The following WDFY4 variants were observed in gnomAD, a reference collection of about 807,000 sequenced individuals.
WDFY4 encodes WD repeat- and FYVE domain-containing protein 4.
In WDFY4, 169 loss-of-function variants were observed where a neutral mutation model predicts 351.9. The observed-to-expected ratio is 0.48, with a 90% confidence interval of 0.42 to 0.55. WDFY4 has a LOEUF of 0.55. Among genes scored for constraint, WDFY4 ranks in the 20% least tolerant of loss-of-function variants. The pLI, the probability that WDFY4 is intolerant of heterozygous loss-of-function variation, is 0.00. For synonymous variants in WDFY4, 1,622 were observed against 1,574.6 expected (o/e 1.03, Z -0.71); for missense variants, 3,803 against 3,935.6 (o/e 0.97, Z 0.90).
chr10:48,823,065 T>C, intron 35 of WDFY4: 1 of 1,164,590 alleles, frequency 8.6e-7, no homozygotes, highest in Non-Finnish European at 1.1e-6. Context: ...CCTGTACAAA[T>C]GCATACCTGT....
intron 36 of WDFY4, among the ~76,000 whole-genome samples, chr10:48,827,506 T>C (rs975496657): frequency 4.8e-5 from 7 of 146,602 alleles, no homozygotes; most frequent in Non-Finnish European, 1.1e-4. Flanking sequence ...AGACAGGAAT[T>C]ATGTTCACTT....
chr10:48,976,569 A>G (rs1180830082), intron 58 of WDFY4: 2 of 347,992 alleles, frequency 5.7e-6, no homozygotes, highest in Non-Finnish European at 1.0e-5. Flanking sequence ...CTGCCAGGAA[A>G]GAAGTATCTA....
At chr10:48,908,451 A>C (rs1837740641) in intron 47 of WDFY4, among the ~76,000 whole-genome samples, 1 of 152,218 alleles carries the variant, frequency 6.6e-6, no homozygotes, top group Non-Finnish European at 1.5e-5. Context: ...GGGAAATTTT[A>C]GATTAGCCGG....
intron 13 of WDFY4, among the ~76,000 whole-genome samples, chr10:48,769,368 A>T (rs541048300): frequency 2.0e-4 from 30 of 152,336 alleles, no homozygotes; most frequent in African/African-American, 7.0e-4. Context: ...GCAGTGGTAA[A>T]AGCCATAACT....
intron 39 of WDFY4, among the ~76,000 whole-genome samples, chr10:48,845,401 G>T (rs961735728): frequency 2.6e-5 from 4 of 152,168 alleles, no homozygotes; most frequent in African/African-American, 9.7e-5. Context: ...ATGAAAAAGG[G>T]CACAGTCCCT....
rs1590019359 is a variant in WDFY4 at position 48,970,245 on chromosome 10, C to T, written c.8884C>T (p.Leu2962Phe). 2 of 1,551,558 alleles carry T rather than the reference C, an allele frequency of 1.3e-6. No individual in the cohort carries two copies. The highest frequency in any genetic ancestry group is 3.9e-5 in the Admixed American group (2 of 50,998). ...GTSTVVCVWE[L>F]SMTKGRPRGL... ...CAGCACTGTGGTGTGTGTGTGGGAG[C>T]TCAGCATGACCAAAGGCCGCCCGAG... The change falls in exon 57 of 62, where the codon CTC (leucine) becomes TTC (phenylalanine). Residue 2962 changes from leucine to phenylalanine, a missense_variant. Around this residue, in one of 3 missense-constraint regions of WDFY4, gnomAD observed 3,054 missense variants for 3,148.6 expected, o/e 0.97. Transcript: ENST00000325239.
At chr10:48,728,572 C>A (rs118073560) in intron 7 of WDFY4, among the ~76,000 whole-genome samples, 2 of 152,224 alleles carry the variant, frequency 1.3e-5, no homozygotes, top group African/African-American at 2.4e-5. Context: ...AGCCTACATG[C>A]GGTGACTTGG....
chr10:48,757,209 A>G (rs2065363158), intron 12 of WDFY4, among the ~76,000 whole-genome samples: 1 of 152,068 alleles, frequency 6.6e-6, no homozygotes, highest in African/African-American at 2.4e-5. Flanking sequence ...CTTTGAAGGA[A>G]CAATTACTGA....
intron 39 of WDFY4, among the ~76,000 whole-genome samples, chr10:48,863,353 T>A (rs987903064): frequency 2.6e-5 from 4 of 152,328 alleles, no homozygotes; most frequent in African/African-American, 9.6e-5. Flanking sequence ...TCAATAAAAC[T>A]TGTTATTATC....
At chr10:48,915,155 G>A (rs959101696) in intron 47 of WDFY4, among the ~76,000 whole-genome samples, 1 of 152,120 alleles carries the variant, frequency 6.6e-6, no homozygotes, top group Non-Finnish European at 1.5e-5. Flanking sequence ...AGCTATGAGG[G>A]GGCGTAAATT....
rs143120099 is a variant in WDFY4, at chr10:48,727,904, C to T, written c.971+245C>T. On this transcript the variant is annotated intron_variant, in intron 7 of 61. Coordinates refer to ENST00000325239, the MANE Select transcript of WDFY4 (RefSeq NM_001394531.1). Reference sequence around the variant, plus strand: ...GCATGCCTGCTGGCCTGATTTTCCCCGGTCAGAACCCAAACAGAAGCCCTG... The same window carrying T: ...GCATGCCTGCTGGCCTGATTTTCCCTGGTCAGAACCCAAACAGAAGCCCTG... Among the ~76,000 whole-genome samples, 242 of 152,308 alleles carry T rather than the reference C, an allele frequency of 1.6e-3. 2 individuals carry two copies. The East Asian group carries it at 0.03, about 19-fold the overall frequency.
Position 48,803,350 on chromosome 10 carries a change from A to T in WDFY4, c.4475A>T (p.Gln1492Leu). ...SLFSHLLEIL[Q>L]SPREGPRNAE... Reference sequence around the variant, plus strand: ...TTTTCCCATCTTTTGGAAATCCTTCAATCACCAAGGTAGGCTGGGTCTTGG... The same window carrying T: ...TTTTCCCATCTTTTGGAAATCCTTCTATCACCAAGGTAGGCTGGGTCTTGG... The change falls in exon 25 of 62, where the codon CAA becomes CTA. Residue 1492 changes from glutamine (Q) to leucine (L), a missense_variant. Coordinates refer to ENST00000325239, the MANE Select transcript of WDFY4 (RefSeq NM_001394531.1). The T allele has an allele frequency of 6.4e-7, 1 of 1,551,958 alleles. No homozygotes were observed. The highest frequency in any genetic ancestry group is 8.7e-7 in the Non-Finnish European group (1 of 1,147,056).
At chr10:48,760,581 T>A in intron 13 of WDFY4, 141 bp downstream of exon 13, 2 of 801,066 alleles carry the variant, frequency 2.5e-6, no homozygotes, top group Non-Finnish European at 4.0e-6. Flanking sequence ...GAAACACCTA[T>A]AGTGGGAAAG....
intron 9 of WDFY4, among the ~76,000 whole-genome samples, chr10:48,731,830 G>A (rs2064470056): frequency 1.3e-5 from 2 of 152,186 alleles, no homozygotes; most frequent in African/African-American, 4.8e-5. Flanking sequence ...ACATTGTGTG[G>A]GTGTATAGAC....
In WDFY4 at chr10:48,890,695, T is replaced by A. The variant is rs41283285; in HGVS notation, c.7284T>A (p.Gly2428=). 0.038 allele frequency: 58,392 copies of A among 1,551,650 alleles called. 1,234 individuals are homozygous for A. The highest frequency in any genetic ancestry group is 0.041 in the Non-Finnish European group (46,511 of 1,146,968). The part of the protein sequence containing the change: ...ICENFTLSPT[G]DVYCTRHCLS... ...AGAACTTCACACTGTCTCCCACGGG[T>A]GATGTCTACTGTACCCGTCACTGCT... The change falls in exon 44 of 62, where the codon GGT becomes GGA. Residue 2428 remains glycine (G), a synonymous_variant. Transcript: ENST00000325239.
At chr10:48,717,820 AT>A (rs2063957230) in intron 2 of WDFY4, among the ~76,000 whole-genome samples, 1 of 152,176 alleles carries the variant, frequency 6.6e-6, no homozygotes. Flanking sequence ...ATATTCAGTA[AT>A]TTTTCCCTCA....
At chr10:48,811,815 G>C in intron 30 of WDFY4, 107 bp downstream of exon 30, 1 of 1,201,420 alleles carries the variant, frequency 8.3e-7, no homozygotes, top group Non-Finnish European at 1.2e-6. Context: ...GCTTCTTCCA[G>C]CTCAGATGGG....
chr10:48,790,430 C>T (rs1400816680), intron 22 of WDFY4, among the ~76,000 whole-genome samples: 3 of 152,202 alleles, frequency 2.0e-5, no homozygotes, highest in African/African-American at 7.2e-5. Flanking sequence ...GATACTGAGG[C>T]TCAGGGGTCT....
chr10:48,879,129 AAAACAGCT>A lies in WDFY4; in HGVS notation c.7167+1933_7167+1940del, dbSNP rs1162329582. The stretch of plus-strand genomic sequence containing the variant: ...TTTAGTAAATACCTTGTCCATTGAA[AAAACAGCT>A]AAGACGTCAATGCTTTCTTTCCTTA... On this transcript the variant is annotated intron_variant, in intron 43 of 61. Transcript: ENST00000325239. Among the ~76,000 whole-genome samples, 12 of 152,374 alleles carry A rather than the reference AAAACAGCT, an allele frequency of 7.9e-5. No individual in the cohort carries two copies. The East Asian group carries it at 2.1e-3, about 27-fold the overall frequency.
Sources: allele counts gnomAD v4.1 joint callset (sites outside exome capture counted in the v4.1 genomes callset), GRCh38; gene constraint gnomAD v4.1.1; regional missense constraint gnomAD v4.1.1; transcripts MANE v1.5; gene names NCBI Gene and HGNC (gene_info 2026-07-23, HGNC 2026-07-21).